Variants in IMMP2L observed in about 807,000 individuals in gnomAD.
The protein encoded by IMMP2L is inner mitochondrial membrane peptidase subunit 2.
A neutral mutation model predicts 19.3 loss-of-function variants in IMMP2L; 18 were observed. The ratio of observed to expected loss-of-function variants is 0.93; its 90% CI spans 0.64 to 1.38. IMMP2L has a LOEUF of 1.38. Among genes scored for constraint, IMMP2L ranks in the 40% most tolerant of loss-of-function variants. The pLI is 0.00. For missense variants in IMMP2L, 233 were observed against 218.2 expected, an observed-to-expected ratio of 1.07 and a Z score of -0.43; for synonymous variants, 76 against 73.0, an observed-to-expected ratio of 1.04 and a Z score of -0.21.
chr7:110,988,895 A>G (rs185983362), intron 3 of IMMP2L, among the ~76,000 whole-genome samples: 137 of 151,832 alleles, frequency 9.0e-4, no homozygotes, highest in African/African-American at 3.2e-3. Context: ...TTTTATAAAA[A>G]CTATAAAAAT....
intron 3 of IMMP2L, among the ~76,000 whole-genome samples, chr7:111,017,380 C>A (rs1480729779): frequency 6.6e-6 from 1 of 152,048 alleles, no homozygotes; most frequent in East Asian, 1.9e-4. Flanking sequence ...TTTTTAACTC[C>A]ATGGTCATTA....
chr7:110,874,635 A>G (rs1808882107), intron 5 of IMMP2L, among the ~76,000 whole-genome samples: 2 of 151,984 alleles, frequency 1.3e-5, no homozygotes, highest in Admixed American at 1.3e-4. Flanking sequence ...AAATTAAAAT[A>G]TAGAGAAATA....
At chr7:110,696,475 G>A (rs1793894680) in intron 5 of IMMP2L, among the ~76,000 whole-genome samples, 1 of 145,966 alleles carries the variant, frequency 6.9e-6, no homozygotes, top group Non-Finnish European at 1.5e-5. Context: ...TGCCCAGGCT[G>A]GAATGTAATG....
At chr7:110,825,632 A>G (rs1399036676) in intron 5 of IMMP2L, among the ~76,000 whole-genome samples, 3 of 152,312 alleles carry the variant, frequency 2.0e-5, no homozygotes, top group East Asian at 1.9e-4. Flanking sequence ...CTGGCTAGTC[A>G]TATGTAGAAA....
intron 5 of IMMP2L, among the ~76,000 whole-genome samples, chr7:110,873,583 G>A (rs1282837880): frequency 6.7e-6 from 1 of 150,074 alleles, no homozygotes; most frequent in Non-Finnish European, 1.5e-5. Context: ...GGCCAACATG[G>A]TGAAACCCCG....
At chr7:110,852,199 A>AGGATGGAT (rs35319498) in intron 5 of IMMP2L, among the ~76,000 whole-genome samples, 9,622 of 148,796 alleles carry the variant, frequency 0.065, 389 homozygotes, top group East Asian at 0.16. Flanking sequence ...GGTGGATGGA[A>AGGATGGAT]GGATGGATGG....
In IMMP2L at chr7:111,403,008, C is replaced by A. The variant is rs1172144544; in HGVS notation, c.239+84230G>T. 3.3e-3 allele frequency among the ~76,000 whole-genome samples: 391 copies of A among 117,904 alleles called. 15 individuals carry two copies. The highest frequency in any genetic ancestry group is 0.014 in the African/African-American group (376 of 27,640). 77.3% of individuals were successfully genotyped at this position (117,904 alleles called of 152,430 possible). On this transcript the variant is annotated intron_variant, in intron 3 of 5. Transcript: ENST00000405709. ...CAGCCTTGACCCCCCCCCCCCACCCCGCCAGGCTCAGGTGATCCTCCCACC... is the reference window on the plus strand; with the variant it reads ...CAGCCTTGACCCCCCCCCCCCACCCAGCCAGGCTCAGGTGATCCTCCCACC...
intron 5 of IMMP2L, among the ~76,000 whole-genome samples, chr7:110,820,860 C>T (rs60385239): frequency 0.09 from 13,615 of 152,062 alleles, 949 homozygotes; most frequent in African/African-American, 0.19. Flanking sequence ...CTTGAACACA[C>T]CTTTTCAACT....
At chr7:110,982,996 A>C (rs1052320842) in intron 3 of IMMP2L, among the ~76,000 whole-genome samples, 2 of 152,048 alleles carry the variant, frequency 1.3e-5, no homozygotes, top group Admixed American at 6.6e-5. Context: ...TCCCTCAACT[A>C]AGGGCCAAAT....
intron 3 of IMMP2L, among the ~76,000 whole-genome samples, chr7:110,968,370 G>A (rs974174044): frequency 6.6e-6 from 1 of 151,942 alleles, no homozygotes; most frequent in Non-Finnish European, 1.5e-5. Context: ...GCACATTCTT[G>A]CATGAGAAAA....
chr7:111,498,573 G>A (rs570113337), intron 2 of IMMP2L, among the ~76,000 whole-genome samples: 1 of 152,058 alleles, frequency 6.6e-6, no homozygotes, highest in African/African-American at 2.4e-5. Flanking sequence ...GAAAGGAAGT[G>A]ATTCAACAAA....
At chr7:111,553,101 T>C (rs1790861341) in intron 1 of IMMP2L, among the ~76,000 whole-genome samples, 1 of 152,112 alleles carries the variant, frequency 6.6e-6, no homozygotes, top group South Asian at 2.1e-4. Context: ...ACAGCAACCA[T>C]GAGATAACAA....
intron 5 of IMMP2L, among the ~76,000 whole-genome samples, chr7:110,688,166 T>C (rs1000349859): frequency 6.6e-6 from 1 of 152,154 alleles, no homozygotes; most frequent in African/African-American, 2.4e-5. Context: ...GTTTATGCCA[T>C]GTGAATTGGA....
intron 3 of IMMP2L, among the ~76,000 whole-genome samples, chr7:111,481,398 C>T (rs1180369062): frequency 1.3e-5 from 2 of 152,042 alleles, no homozygotes; most frequent in East Asian, 3.9e-4. Context: ...CTTTGCTCTG[C>T]CACTTATTAA....
chr7:111,314,686 G>T (rs1341700052), intron 3 of IMMP2L, among the ~76,000 whole-genome samples: 2 of 152,038 alleles, frequency 1.3e-5, no homozygotes, highest in East Asian at 3.8e-4. Flanking sequence ...CTCTATGCAA[G>T]TTCCCCAGCT....
chr7:111,303,538 T>A (rs927676025), intron 3 of IMMP2L, among the ~76,000 whole-genome samples: 1 of 152,096 alleles, frequency 6.6e-6, no homozygotes, highest in African/African-American at 2.4e-5. Context: ...AGTTAGGGCA[T>A]CCTATATTTT....
chr7:111,342,937 C>T (rs1827171293), intron 3 of IMMP2L, among the ~76,000 whole-genome samples: 1 of 151,980 alleles, frequency 6.6e-6, no homozygotes, highest in South Asian at 2.1e-4. Flanking sequence ...CATGTATATG[C>T]TAAACTCAAA....
chr7:111,349,906 A>G (rs953389482), intron 3 of IMMP2L, among the ~76,000 whole-genome samples: 2 of 152,090 alleles, frequency 1.3e-5, no homozygotes, highest in South Asian at 4.2e-4. Flanking sequence ...ACCCACACCC[A>G]ATATCATGGC....
At chr7:111,506,608 G>T (rs1844930737) in intron 2 of IMMP2L, among the ~76,000 whole-genome samples, 1 of 152,110 alleles carries the variant, frequency 6.6e-6, no homozygotes, top group Admixed American at 6.5e-5. Flanking sequence ...TGTTGGCCAG[G>T]ATGGTCTCAA....
Sources: allele counts gnomAD v4.1 joint callset (sites outside exome capture counted in the v4.1 genomes callset), GRCh38; gene constraint gnomAD v4.1.1; transcripts MANE v1.5; gene names NCBI Gene and HGNC (gene_info 2026-07-23, HGNC 2026-07-21).